SNX29: variants seen among roughly 807,000 people sequenced by gnomAD.
SNX29 encodes the protein sorting nexin-29.
SNX29 carries 78 observed loss-of-function variants against 102.1 expected under a neutral mutation model. That is an observed-to-expected ratio of 0.76 (90% CI 0.64 to 0.92). The LOEUF is 0.92. Ranked by LOEUF, SNX29 falls within the 40% of genes least tolerant of loss-of-function variation. SNX29 has a pLI of 0.00. For missense variants in SNX29, 1,280 were observed against 1,061.7 expected, an observed-to-expected ratio of 1.21 and a Z score of -2.86; for synonymous variants, 580 against 414.5, an observed-to-expected ratio of 1.40 and a Z score of -4.85.
intron 19 of SNX29, among the ~76,000 whole-genome samples, chr16:12,480,154 C>G (rs550404326): frequency 6.6e-6 from 1 of 152,290 alleles, no homozygotes; most frequent in East Asian, 1.9e-4. Flanking sequence ...CCTCTTACTG[C>G]TGTCACAAAT....
intron 20 of SNX29, among the ~76,000 whole-genome samples, chr16:12,562,643 G>T (rs954311810): frequency 6.6e-6 from 1 of 152,172 alleles, no homozygotes; most frequent in Admixed American, 6.5e-5. Context: ...TCTTCCCTGA[G>T]GGGCTGTTTT....
chr16:12,472,638 C>A (rs1315407304), intron 18 of SNX29, among the ~76,000 whole-genome samples: 1 of 151,592 alleles, frequency 6.6e-6, no homozygotes. Context: ...ACAGTCAAGT[C>A]TCATAGGAAC....
chr16:12,321,485 C>T (rs1360227083), intron 15 of SNX29, among the ~76,000 whole-genome samples: 2 of 152,198 alleles, frequency 1.3e-5, no homozygotes, highest in African/African-American at 2.4e-5. Context: ...CATATGACGT[C>T]ATCTGTCATA....
intron 20 of SNX29, among the ~76,000 whole-genome samples, chr16:12,528,082 C>G (rs557447496): frequency 6.6e-6 from 1 of 152,178 alleles, no homozygotes; most frequent in African/African-American, 2.4e-5. Flanking sequence ...ACCTTGGCCT[C>G]CCAAAGTGCT....
intron 20 of SNX29, among the ~76,000 whole-genome samples, chr16:12,531,656 G>C (rs150676571): frequency 6.6e-6 from 1 of 152,322 alleles, no homozygotes; most frequent in Non-Finnish European, 1.5e-5. Context: ...AGCAGAAGAT[G>C]CCGAGTTTTG....
At chr16:12,067,670 T>C (rs2051097347) in intron 9 of SNX29, among the ~76,000 whole-genome samples, 1 of 152,166 alleles carries the variant, frequency 6.6e-6, no homozygotes, top group African/African-American at 2.4e-5. Flanking sequence ...GTATTTTTAG[T>C]AGAGACGGGG....
chr16:12,380,592 TCCATCCAC>T, intron 16 of SNX29, among the ~76,000 whole-genome samples: 1 of 97,302 alleles, frequency 1.0e-5, no homozygotes, highest in Non-Finnish European at 2.0e-5. Flanking sequence ...CCACCCACCA[TCCATCCAC>T]CCATCCACCA....
chr16:12,485,650 A>G (rs2088192513), intron 19 of SNX29, among the ~76,000 whole-genome samples: 1 of 152,162 alleles, frequency 6.6e-6, no homozygotes, highest in Admixed American at 6.5e-5. Flanking sequence ...TGCAGGAACC[A>G]GAGGCAAATG....
intron 16 of SNX29, among the ~76,000 whole-genome samples, chr16:12,378,818 G>C (rs8049288): frequency 0.11 from 17,031 of 152,080 alleles, 2,785 homozygotes; most frequent in African/African-American, 0.36. Context: ...AGCCCAGTCC[G>C]TCTCCCCTCA....
intron 20 of SNX29, among the ~76,000 whole-genome samples, chr16:12,536,697 GC>G (rs1412061614): frequency 2.0e-5 from 3 of 152,178 alleles, no homozygotes; most frequent in Non-Finnish European, 4.4e-5. Flanking sequence ...TGTTCAGGGG[GC>G]TGGACGTGGT....
chr16:12,402,153 T>C (rs2083970862), intron 17 of SNX29, among the ~76,000 whole-genome samples: 1 of 152,238 alleles, frequency 6.6e-6, no homozygotes, highest in Admixed American at 6.5e-5. Flanking sequence ...ACAAATTGCC[T>C]TGAGCCCTGG....
intron 14 of SNX29, among the ~76,000 whole-genome samples, chr16:12,276,068 T>C: frequency 6.6e-6 from 1 of 151,970 alleles, no homozygotes; most frequent in East Asian, 1.9e-4. Flanking sequence ...GATTTTTGTA[T>C]TTTTAGTAGA....
At chr16:12,420,090 G>C (rs1438316039) in intron 18 of SNX29, among the ~76,000 whole-genome samples, 1 of 152,184 alleles carries the variant, frequency 6.6e-6, no homozygotes, top group Non-Finnish European at 1.5e-5. Flanking sequence ...GGGGTCCCCT[G>C]TGCATTATGG....
chr16:12,115,405 C>A (rs1369437541), intron 11 of SNX29, among the ~76,000 whole-genome samples: 1 of 151,956 alleles, frequency 6.6e-6, no homozygotes, highest in East Asian at 1.9e-4. Context: ...CAGACATGCT[C>A]TGACCAGAGA....
At chr16:12,553,862 C>T (rs1038709112) in intron 20 of SNX29, among the ~76,000 whole-genome samples, 1 of 151,998 alleles carries the variant, frequency 6.6e-6, no homozygotes, top group Non-Finnish European at 1.5e-5. Context: ...GCTGGGATTT[C>T]AGATGGAGTC....
At chr16:12,505,430 T>C (rs888708544) in intron 19 of SNX29, among the ~76,000 whole-genome samples, 1 of 152,242 alleles carries the variant, frequency 6.6e-6, no homozygotes, top group Non-Finnish European at 1.5e-5. Flanking sequence ...TGACTATAAA[T>C]GTGAGAGTTT....
In SNX29 at chr16:12,096,063, A is replaced by G. The variant is rs2052753944; in HGVS notation, c.1402+17148A>G. On this transcript the variant is annotated intron_variant, in intron 11 of 20. Transcript: ENST00000566228. The surrounding 1 kb of genome is among the most constrained non-coding windows in gnomAD (Gnocchi z 4.2). ...CTTGCTTGGCTAAGGGCTTCATGAT[A>G]AAATTTTAGGATGAGATGGTGGGGC... Among the ~76,000 whole-genome samples, 1 of 152,258 alleles carries G rather than the reference A, an allele frequency of 6.6e-6. No individual in the cohort carries two copies. Among genetic ancestry groups the G allele is most frequent in the Admixed American group, 6.5e-5 (1 of 15,286 alleles).
rs984659563 is a variant in SNX29 at position 12,392,583 on chromosome 16, T to A, written c.1900-5863T>A. The stretch of plus-strand genomic sequence containing the variant: ...TTGTCCTCTACACCCTTGTTATCTT[T>A]TGGGAAAAACAAATGTGTCAAAAAC... On this transcript the variant is annotated intron_variant, in intron 16 of 20. Coordinates refer to ENST00000566228, the MANE Select transcript of SNX29 (RefSeq NM_032167.5). Among the ~76,000 whole-genome samples, 4 of 152,304 alleles carry A rather than the reference T, an allele frequency of 2.6e-5. 1 individual carries two copies. The highest frequency in any genetic ancestry group is 6.8e-3 in the Middle Eastern group (2 of 294).
intron 15 of SNX29, among the ~76,000 whole-genome samples, chr16:12,355,936 A>G (rs9922894): frequency 0.039 from 5,944 of 151,632 alleles, 228 homozygotes; most frequent in African/African-American, 0.091. Flanking sequence ...TATTTGGACC[A>G]TAACTTCATA....
Sources: gnomAD v4.1 joint callset for allele counts (sites outside exome capture counted in the v4.1 genomes callset) on GRCh38, gnomAD v4.1.1 for gene constraint, Gnocchi (gnomAD v3.1) non-coding constraint, MANE v1.5 for transcripts, NCBI Gene and HGNC (gene_info 2026-07-23, HGNC 2026-07-21) for gene names.